The following ZBBX variants were observed in gnomAD, a reference collection of about 807,000 sequenced individuals.
ZBBX encodes the protein zinc finger B-box domain-containing protein 1.
ZBBX carries 101 observed loss-of-function variants against 108.5 expected under a neutral mutation model. The ratio of observed to expected loss-of-function variants is 0.93; its 90% CI spans 0.79 to 1.10. The LOEUF (loss-of-function observed/expected upper bound fraction) is 1.10, where lower values mean the gene tolerates loss of function less well. ZBBX is among the 50% of genes least tolerant of loss of function. ZBBX has a pLI of 0.00. For missense variants in ZBBX, 1,009 were observed against 941.4 expected (o/e 1.07, Z -0.94); for synonymous variants, 356 against 323.4 (o/e 1.10, Z -1.08).
At chr3:167,336,382 G>A (rs1020571278) in intron 9 of ZBBX, among the ~76,000 whole-genome samples, 2 of 152,016 alleles carry the variant, frequency 1.3e-5, no homozygotes, top group African/African-American at 4.8e-5. Flanking sequence ...TCAATACAAT[G>A]CAAATAAATG....
intron 10 of ZBBX, among the ~76,000 whole-genome samples, chr3:167,328,490 T>A (rs1045376316): frequency 6.7e-6 from 1 of 148,612 alleles, no homozygotes; most frequent in African/African-American, 2.5e-5. Flanking sequence ...AAAAACAGGG[T>A]TTTTTTTTAA....
At chr3:167,189,469 A>G in the ZBBX span, among the ~76,000 whole-genome samples, 3 of 152,260 alleles carry the variant, frequency 2.0e-5, no homozygotes. Context: ...AGTGAATGCT[A>G]GACATGCACA....
At chr3:167,356,315 A>G (rs1743561304) in intron 8 of ZBBX, among the ~76,000 whole-genome samples, 1 of 152,080 alleles carries the variant, frequency 6.6e-6, no homozygotes, top group Non-Finnish European at 1.5e-5. Context: ...ATATAATGTA[A>G]TAAGAAGAGT....
At chr3:167,332,866 G>T (rs1354612758) in intron 10 of ZBBX, among the ~76,000 whole-genome samples, 1 of 152,044 alleles carries the variant, frequency 6.6e-6, no homozygotes, top group Non-Finnish European at 1.5e-5. Flanking sequence ...ACTATTCCCT[G>T]CCACTATTCT....
At chr3:167,304,858 A>G (rs1222588859) in intron 17 of ZBBX, among the ~76,000 whole-genome samples, 1 of 151,872 alleles carries the variant, frequency 6.6e-6, no homozygotes, top group Non-Finnish European at 1.5e-5. Flanking sequence ...CTTATCTCAC[A>G]AAGGTACAAT....
chr3:167,204,287 T>A, the ZBBX span, among the ~76,000 whole-genome samples: 1 of 148,294 alleles, frequency 6.7e-6, no homozygotes, highest in East Asian at 2.0e-4. Context: ...CATGTGCACA[T>A]TGTGCAGGTT....
At chr3:167,187,495 C>T in the ZBBX span, among the ~76,000 whole-genome samples, 2 of 152,156 alleles carry the variant, frequency 1.3e-5, no homozygotes, top group African/African-American at 4.8e-5. Context: ...TAATTTGTGA[C>T]TGACATTGAA....
chr3:167,406,899 G>A (rs768473091), intron 1 of ZBBX, among the ~76,000 whole-genome samples: 1 of 152,118 alleles, frequency 6.6e-6, no homozygotes, highest in Non-Finnish European at 1.5e-5. Flanking sequence ...TGTAGGATTT[G>A]GCATTTGAAA....
In ZBBX at chr3:167,368,525, G is replaced by C; in HGVS notation, c.118C>G (p.Gln40Glu). 6.2e-7 allele frequency: 1 copy of C among 1,612,026 alleles called. No homozygotes were observed. Among genetic ancestry groups the C allele is most frequent in the East Asian group, 2.2e-5 (1 of 44,666 alleles). ...MEKVQLEFENQEMEKKLQEFR... is the reference protein window; with the variant it reads ...MEKVQLEFENEEMEKKLQEFR... ...TCTTGCAGTTTCTTCTCCATCTCTT[G>C]GTTCTCAAACTCTAACTGTACTTTC... The change falls in exon 5 of 22, where the codon CAA becomes GAA. Residue 40 changes from glutamine (Q) to glutamate (E), a missense_variant. Transcript: ENST00000675490.
At chr3:167,343,259 T>G (rs2108454720) in intron 9 of ZBBX, among the ~76,000 whole-genome samples, 1 of 151,982 alleles carries the variant, frequency 6.6e-6, no homozygotes. Context: ...AGCATAAACA[T>G]CACAGAAATA....
intron 8 of ZBBX, among the ~76,000 whole-genome samples, chr3:167,353,305 T>C (rs1473686028): frequency 3.9e-5 from 6 of 152,066 alleles, no homozygotes; most frequent in African/African-American, 1.4e-4. Flanking sequence ...ACTACTCCAC[T>C]ATGAAAAAGA....
chr3:167,385,294 T>C (rs1193434595), upstream of ZBBX, among the ~76,000 whole-genome samples: 1 of 151,964 alleles, frequency 6.6e-6, no homozygotes, highest in Non-Finnish European at 1.5e-5. Flanking sequence ...ATGGTCAGTA[T>C]TTGTGTATCT....
chr3:167,185,473 A>G, the ZBBX span, among the ~76,000 whole-genome samples: 1 of 152,108 alleles, frequency 6.6e-6, no homozygotes, highest in Non-Finnish European at 1.5e-5. Context: ...TACTTTTTCA[A>G]CACTTTTATA....
intron 18 of ZBBX, among the ~76,000 whole-genome samples, chr3:167,290,055 A>T (rs931264466): frequency 3.9e-5 from 6 of 152,188 alleles, no homozygotes; most frequent in African/African-American, 1.4e-4. Context: ...CCTGAAAAAA[A>T]GGCAGAAGCC....
chr3:167,387,889 T>C (rs1314643233), intron 1 of ZBBX, among the ~76,000 whole-genome samples: 1 of 152,030 alleles, frequency 6.6e-6, no homozygotes, highest in Admixed American at 6.6e-5. Context: ...CAATTTAAAA[T>C]GATTCAAACT....
At position 167,386,318 on chromosome 3, in the gene ZBBX, A is replaced by G. The variant is rs371616164; in HGVS notation, c.-445-5913T>C. 2.6e-5 allele frequency among the ~76,000 whole-genome samples: 4 copies of G among 152,012 alleles called. No homozygotes were observed. In the East Asian group the frequency reaches 7.7e-4, roughly 29 times the overall value. ...AATAAAATTCCCTTATTAATTACTT[A>G]AACTAGGATGGATTGTTTTGGTTGT... On this transcript the variant is annotated intron_variant, in intron 1 of 21. Coordinates refer to the ZBBX transcript ENST00000455345.
chr3:167,260,756 T>C (rs1724364331), intron 20 of ZBBX, among the ~76,000 whole-genome samples: 1 of 152,242 alleles, frequency 6.6e-6, no homozygotes, highest in Admixed American at 6.5e-5. Context: ...TGAATTTCCT[T>C]GCATTAGGCT....
At chr3:167,348,359 AGAAAGAAAG>A (rs1371619714) in intron 9 of ZBBX, among the ~76,000 whole-genome samples, 1 of 144,592 alleles carries the variant, frequency 6.9e-6, no homozygotes, top group African/African-American at 2.7e-5. Flanking sequence ...AAAGAAAGAA[AGAAAGAAAG>A]AAAAAAAAGA....
the ZBBX span, among the ~76,000 whole-genome samples, chr3:167,202,688 A>G: frequency 6.6e-6 from 1 of 152,106 alleles, no homozygotes. Flanking sequence ...TGAAAATGGA[A>G]GTTTATAATG....
Sources: gnomAD v4.1 joint callset for allele counts (sites outside exome capture counted in the v4.1 genomes callset) on GRCh38, gnomAD v4.1.1 for gene constraint, MANE v1.5 for transcripts, NCBI Gene and HGNC (gene_info 2026-07-23, HGNC 2026-07-21) for gene names.